The following EXOC4 variants were observed in gnomAD, a reference collection of about 807,000 sequenced individuals.
EXOC4 encodes SEC8-like 1.
A neutral mutation model predicts 107.2 loss-of-function variants in EXOC4; 71 were observed. The observed-to-expected ratio is 0.66, with a 90% CI of 0.55 to 0.81. EXOC4 has a LOEUF of 0.81. Among genes scored for constraint, EXOC4 ranks in the 30% least tolerant of loss-of-function variants. The probability of loss-of-function intolerance (pLI) is 0.00; values close to 1 mark genes in which losing one functional copy is unlikely to be tolerated. For synonymous variants in EXOC4, 456 were observed against 441.2 expected, an observed-to-expected ratio of 1.03 and a Z score of -0.42; for missense variants, 1,108 against 1,189.6, an observed-to-expected ratio of 0.93 and a Z score of 1.01.
At position 133,917,696 on chromosome 7, in the gene EXOC4, A is replaced by G; in HGVS notation, c.1985A>G (p.Lys662Arg). The change falls in exon 13 of 18, where the codon AAA (lysine) becomes AGA (arginine). Residue 662 changes from lysine (K) to arginine (R), a missense_variant. By Grantham distance (26) the Lys-to-Arg change is conservative. Transcript: ENST00000253861. ...AACTGGATGAATATGGCTCAACCCA[A>G]ACAGCTGAGGCCAAAAAGAGAGGAG... ...LPNWMNMAQP[K>R]QLRPKREEEE... 1 of 1,614,002 alleles carries G rather than the reference A, an allele frequency of 6.2e-7. No individual in the cohort carries two copies. The highest frequency in any genetic ancestry group is 1.7e-5 in the Admixed American group (1 of 59,998).
chr7:133,684,267 A>G (rs573725062), intron 10 of EXOC4, among the ~76,000 whole-genome samples: 3 of 152,182 alleles, frequency 2.0e-5, no homozygotes, highest in Non-Finnish European at 2.9e-5. Context: ...TATTTAAAAT[A>G]TCAGAATACT....
chr7:133,750,491 G>C (rs2151137882), intron 10 of EXOC4, among the ~76,000 whole-genome samples: 1 of 152,258 alleles, frequency 6.6e-6, no homozygotes, highest in African/African-American at 2.4e-5. Context: ...GCTTCATGCT[G>C]TGAGGAATCC....
At chr7:133,571,841 A>T (rs1801030515) in intron 9 of EXOC4, among the ~76,000 whole-genome samples, 1 of 152,192 alleles carries the variant, frequency 6.6e-6, no homozygotes, top group South Asian at 2.1e-4. Flanking sequence ...CAGAAGAGTA[A>T]AAGAGCTGAA....
At chr7:134,095,377 T>C in the EXOC4 span, among the ~76,000 whole-genome samples, 1 of 152,226 alleles carries the variant, frequency 6.6e-6, no homozygotes, top group Non-Finnish European at 1.5e-5. Context: ...ATCAATGTTA[T>C]TAAAATGGCC....
intron 11 of EXOC4, among the ~76,000 whole-genome samples, chr7:133,852,039 A>C (rs1159374973): frequency 6.6e-6 from 1 of 152,178 alleles, no homozygotes; most frequent in African/African-American, 2.4e-5. Flanking sequence ...AAAACCAGTA[A>C]TTTGGAATCT....
At chr7:133,686,407 A>G (rs1345004031) in intron 10 of EXOC4, among the ~76,000 whole-genome samples, 2 of 152,140 alleles carry the variant, frequency 1.3e-5, no homozygotes, top group Non-Finnish European at 1.5e-5. Context: ...AAAACCCGAT[A>G]GTCCTATAGA....
chr7:134,015,070 A>C (rs1794869621), intron 17 of EXOC4, among the ~76,000 whole-genome samples: 1 of 152,148 alleles, frequency 6.6e-6, no homozygotes, highest in Non-Finnish European at 1.5e-5. Context: ...GGACTGGAGA[A>C]GATGTTCAAG....
chr7:133,876,400 GAGT>G (rs1798850349), intron 11 of EXOC4, among the ~76,000 whole-genome samples: 1 of 152,112 alleles, frequency 6.6e-6, no homozygotes, highest in Non-Finnish European at 1.5e-5. Flanking sequence ...TGGAGGATGT[GAGT>G]AGGTGGTTTC....
chr7:133,454,119 TAC>T (rs1293784898), intron 7 of EXOC4, among the ~76,000 whole-genome samples: 2 of 152,198 alleles, frequency 1.3e-5, no homozygotes, highest in African/African-American at 2.4e-5. Context: ...ATGCTACTAT[TAC>T]AGTTTCACCC....
chr7:133,621,910 A>C (rs771928791), intron 9 of EXOC4, among the ~76,000 whole-genome samples: 2 of 152,170 alleles, frequency 1.3e-5, no homozygotes, highest in Non-Finnish European at 2.9e-5. Context: ...GATCTGTGGT[A>C]ACAGTAACAG....
intron 7 of EXOC4, among the ~76,000 whole-genome samples, chr7:133,459,444 A>G (rs1313162004): frequency 1.3e-5 from 2 of 152,216 alleles, no homozygotes; most frequent in African/African-American, 2.4e-5. Flanking sequence ...GTTAAAATTA[A>G]AAGATGTAGT....
chr7:133,614,360 T>G (rs1210868674), intron 9 of EXOC4, among the ~76,000 whole-genome samples: 1 of 152,096 alleles, frequency 6.6e-6, no homozygotes, highest in East Asian at 1.9e-4. Context: ...AACAAGAACC[T>G]TTTTCTGGGG....
intron 17 of EXOC4, among the ~76,000 whole-genome samples, chr7:134,019,857 G>A (rs1383156528): frequency 1.3e-5 from 2 of 151,948 alleles, no homozygotes; most frequent in African/African-American, 4.8e-5. Context: ...GATTTCCACT[G>A]AGCTCTGATT....
Position 133,813,535 on chromosome 7 carries a change from G to A in EXOC4, c.1515-3790G>A, listed in dbSNP as rs1585167007. Among the ~76,000 whole-genome samples the A allele has an allele frequency of 4.6e-5, 7 of 152,272 alleles. 1 individual carries two copies. The South Asian group carries it at 1.2e-3, about 27-fold the overall frequency. ...ACCAAGTAGACTAGGATGCACCTGGGTAGAGTATCTTTTTGGGAGTTAGAT... is the reference window on the plus strand; with the variant it reads ...ACCAAGTAGACTAGGATGCACCTGGATAGAGTATCTTTTTGGGAGTTAGAT... On this transcript the variant is annotated intron_variant, in intron 10 of 17. Transcript: ENST00000253861.
intron 11 of EXOC4, among the ~76,000 whole-genome samples, chr7:133,869,096 T>C (rs1305708214): frequency 6.7e-6 from 1 of 150,194 alleles, no homozygotes; most frequent in Non-Finnish European, 1.5e-5. Flanking sequence ...ACTGAGAGTG[T>C]AACTTGTCTA....
chr7:133,748,053 T>C (rs1431459976), intron 10 of EXOC4, among the ~76,000 whole-genome samples: 1 of 152,166 alleles, frequency 6.6e-6, no homozygotes, highest in Non-Finnish European at 1.5e-5. Flanking sequence ...GTAGATTTTC[T>C]CTTCCCGGGG....
chr7:133,987,321 G>A lies in EXOC4; in HGVS notation c.2207-10171G>A, dbSNP rs752873243. Among the ~76,000 whole-genome samples the A allele has an allele frequency of 3.3e-4, 47 of 144,148 alleles. 1 individual carries two copies. Among genetic ancestry groups the A allele is most frequent in the Non-Finnish European group, 3.6e-4 (24 of 66,408 alleles). 94.6% of individuals were successfully genotyped at this position (144,148 alleles called of 152,430 possible). On this transcript the variant is annotated intron_variant, in intron 14 of 17. Transcript: ENST00000253861. ...ACAAAAGAATTAAAAAATTAGCCAG[G>A]CGTGGTGGTGCTCACCTGTAATCCC... is the stretch of plus-strand genomic sequence containing the variant.
intron 10 of EXOC4, among the ~76,000 whole-genome samples, chr7:133,676,339 T>C (rs1004065635): frequency 3.9e-5 from 6 of 152,186 alleles, no homozygotes; most frequent in Admixed American, 6.5e-5. Context: ...TATGCCTCTT[T>C]TGTTTTAGCT....
chr7:133,980,895 A>C (rs17167372), intron 14 of EXOC4, among the ~76,000 whole-genome samples: 1 of 152,240 alleles, frequency 6.6e-6, no homozygotes, highest in African/African-American at 2.4e-5. Context: ...ATAGTCATAT[A>C]TTATTAACCT....
Sources: allele counts gnomAD v4.1 joint callset (sites outside exome capture counted in the v4.1 genomes callset), GRCh38; gene constraint gnomAD v4.1.1; transcripts MANE v1.5; gene names NCBI Gene and HGNC (gene_info 2026-07-23, HGNC 2026-07-21).